Variants in FBXW7 observed in about 807,000 individuals in gnomAD.
FBXW7 encodes F-box and WD repeat domain containing 7.
FBXW7 carries 11 observed loss-of-function variants against 86.3 expected under a neutral mutation model. That is an observed-to-expected ratio of 0.13 (90% CI 0.08 to 0.21). The LOEUF is 0.21. Among genes scored for constraint, FBXW7 ranks in the 10% least tolerant of loss-of-function variants. The pLI is 1.00. For missense variants in FBXW7, 488 were observed against 847.4 expected (o/e 0.58, Z 5.27); for synonymous variants, 313 against 297.9 (o/e 1.05, Z -0.52).
At chr4:152,466,071 T>A (rs1467831309) in intron 2 of FBXW7, among the ~76,000 whole-genome samples, 1 of 152,120 alleles carries the variant, frequency 6.6e-6, no homozygotes, top group Non-Finnish European at 1.5e-5. Flanking sequence ...TCTAGCGCAT[T>A]TATATTACAA....
chr4:152,383,279 G>C (rs1472567845), intron 4 of FBXW7, among the ~76,000 whole-genome samples: 4 of 152,030 alleles, frequency 2.6e-5, no homozygotes, highest in African/African-American at 9.7e-5. Flanking sequence ...TCACAGTATG[G>C]TCAGATAAAT....
intron 4 of FBXW7, among the ~76,000 whole-genome samples, chr4:152,367,499 G>A (rs1733599668): frequency 6.6e-6 from 1 of 151,954 alleles, no homozygotes; most frequent in African/African-American, 2.4e-5. Context: ...GGGCCAAAAA[G>A]ACTAAGATCC....
intron 4 of FBXW7, among the ~76,000 whole-genome samples, chr4:152,390,542 G>A (rs1735908782): frequency 6.6e-6 from 1 of 152,018 alleles, no homozygotes; most frequent in Non-Finnish European, 1.5e-5. Flanking sequence ...TTTCAGTCAT[G>A]CAAAAAGCCT....
At chr4:152,517,332 T>C (rs1203232956) in intron 2 of FBXW7, among the ~76,000 whole-genome samples, 1 of 152,018 alleles carries the variant, frequency 6.6e-6, no homozygotes, top group African/African-American at 2.4e-5. Flanking sequence ...AACACAGAAA[T>C]CTGAATAAAG....
At chr4:152,527,887 C>T (rs1749667384) in intron 2 of FBXW7, among the ~76,000 whole-genome samples, 1 of 151,632 alleles carries the variant, frequency 6.6e-6, no homozygotes, top group Admixed American at 6.6e-5. Context: ...CACACACACA[C>T]ACACACACAC....
At chr4:152,488,447 T>C (rs1360543842) in intron 2 of FBXW7, among the ~76,000 whole-genome samples, 1 of 152,076 alleles carries the variant, frequency 6.6e-6, no homozygotes, top group Non-Finnish European at 1.5e-5. Context: ...CCAGTATGCC[T>C]AGGCCAATAA....
chr4:152,436,300 A>G (rs1409435008), intron 2 of FBXW7, among the ~76,000 whole-genome samples: 1 of 152,254 alleles, frequency 6.6e-6, no homozygotes, highest in Non-Finnish European at 1.5e-5. Context: ...ACATTTCCTT[A>G]GACCAAAGCT....
At position 152,337,793 on chromosome 4, in the gene FBXW7, A is replaced by G. The variant is rs774273134; in HGVS notation, c.861+9T>C. On this transcript the variant is annotated intron_variant, in intron 7 of 13. Coordinates refer to ENST00000281708, the MANE Select transcript of FBXW7 (RefSeq NM_001349798.2). ...ACACCCAATGAAGAATGTAATTGATAATCTTTACCTCTTTAGGGAGCAATG... is the reference window on the plus strand; with the variant it reads ...ACACCCAATGAAGAATGTAATTGATGATCTTTACCTCTTTAGGGAGCAATG... 3 of 1,600,528 alleles carry G rather than the reference A, an allele frequency of 1.9e-6. No individual in the cohort carries two copies. Among genetic ancestry groups the G allele is most frequent in the Admixed American group, 1.8e-5 (1 of 56,902 alleles).
chr4:152,480,423 A>G (rs982520577), intron 2 of FBXW7, among the ~76,000 whole-genome samples: 2 of 152,098 alleles, frequency 1.3e-5, no homozygotes, highest in Admixed American at 1.3e-4. Context: ...CCTATTCCCT[A>G]AGACAAAACA....
chr4:152,402,109 A>T (rs1251113450), intron 4 of FBXW7, among the ~76,000 whole-genome samples: 4 of 152,182 alleles, frequency 2.6e-5, no homozygotes, highest in Non-Finnish European at 5.9e-5. Context: ...GAACAAGTCA[A>T]CTGTTCAAAC....
chr4:152,441,928 G>A (rs556518658), intron 2 of FBXW7, among the ~76,000 whole-genome samples: 1 of 152,120 alleles, frequency 6.6e-6, no homozygotes, highest in East Asian at 1.9e-4. Context: ...AGGTTAACAC[G>A]ATTTTTATTC....
intron 4 of FBXW7, among the ~76,000 whole-genome samples, chr4:152,357,068 AAAC>A (rs891297347): frequency 1.1e-3 from 162 of 152,332 alleles, no homozygotes; most frequent in African/African-American, 3.6e-3. Context: ...ATGTAAAATA[AAAC>A]AAGATGAGCC....
rs778748560 is a variant in FBXW7 at position 152,411,751 on chromosome 4, G to C, written c.53C>G (p.Ser18Cys). ...GCTTGAGGAAGGGTTACCTCTCAGA[G>C]AGCCTCCAGTTCGTCGTCTTTTGCT... ...VGSKRRRTGG[S>C]LRGNPSSSQV... is the part of the protein sequence containing the mutation. The change falls in exon 4 of 14, where the codon TCT (serine) becomes TGT (cysteine). Residue 18 changes from serine (S) to cysteine (C), a missense_variant. Around this residue, in one of 4 missense-constraint regions of FBXW7, gnomAD observed 230 missense variants for 240.0 expected, o/e 0.96. Transcript: ENST00000281708. The C allele has an allele frequency of 9.3e-6, 15 of 1,613,358 alleles. No individual in the cohort carries two copies. The highest frequency in any genetic ancestry group is 8.4e-5 in the Admixed American group (5 of 59,870).
chr4:152,496,753 T>G (rs1746388068), intron 2 of FBXW7, among the ~76,000 whole-genome samples: 1 of 152,204 alleles, frequency 6.6e-6, no homozygotes, highest in Non-Finnish European at 1.5e-5. Context: ...CTATCCCCAC[T>G]GTAACCTGTA....
chr4:152,500,845 G>A (rs1746877451), intron 2 of FBXW7, among the ~76,000 whole-genome samples: 1 of 152,178 alleles, frequency 6.6e-6, no homozygotes, highest in Non-Finnish European at 1.5e-5. Context: ...TTTATAAATT[G>A]CAATTCTGTT....
chr4:152,513,357 G>T (rs1449576957), intron 2 of FBXW7, among the ~76,000 whole-genome samples: 2 of 152,170 alleles, frequency 1.3e-5, no homozygotes, highest in Non-Finnish European at 2.9e-5. Flanking sequence ...AAAAGCCATT[G>T]AAGTTTCTAT....
At chr4:152,517,604 T>C (rs976220706) in intron 2 of FBXW7, among the ~76,000 whole-genome samples, 10 of 152,226 alleles carry the variant, frequency 6.6e-5, no homozygotes, top group Non-Finnish European at 1.5e-4. Context: ...AGGTGGGACC[T>C]TGACCATGTT....
intron 2 of FBXW7, among the ~76,000 whole-genome samples, chr4:152,433,113 T>G (rs1740063699): frequency 6.6e-6 from 1 of 152,240 alleles, no homozygotes; most frequent in African/African-American, 2.4e-5. Flanking sequence ...ATACCTCAAT[T>G]TATTTATCAC....
intron 2 of FBXW7, among the ~76,000 whole-genome samples, chr4:152,464,947 G>A (rs1417179920): frequency 6.6e-6 from 1 of 152,136 alleles, no homozygotes; most frequent in Non-Finnish European, 1.5e-5. Flanking sequence ...AAACAGTATT[G>A]GCAATTAGAA....
Sources: gnomAD v4.1 joint callset for allele counts (sites outside exome capture counted in the v4.1 genomes callset) on GRCh38, gnomAD v4.1.1 for gene constraint, gnomAD v4.1.1 regional missense constraint, MANE v1.5 for transcripts, NCBI Gene and HGNC (gene_info 2026-07-23, HGNC 2026-07-21) for gene names.